Variants in OPCML observed in about 807,000 individuals in gnomAD.
OPCML encodes opioid binding protein/cell adhesion molecule like.
A neutral mutation model predicts 37.8 loss-of-function variants in OPCML; 13 were observed. The observed-to-expected ratio is 0.34, with a 90% CI of 0.22 to 0.55. The LOEUF (loss-of-function observed/expected upper bound fraction) is 0.55, where lower values mean the gene tolerates loss of function less well. Among genes scored for constraint, OPCML ranks in the 20% least tolerant of loss-of-function variants. The pLI is 0.91. For missense variants in OPCML, 341 were observed against 435.6 expected (o/e 0.78, Z 1.93); for synonymous variants, 176 against 168.8 (o/e 1.04, Z -0.33).
intron 2 of OPCML, among the ~76,000 whole-genome samples, chr11:132,918,510 G>T (rs911511802): frequency 1.3e-5 from 2 of 152,170 alleles, no homozygotes; most frequent in Non-Finnish European, 2.9e-5. Context: ...TTTACTGTCT[G>T]GGAAACATTC....
At chr11:133,191,624 G>C (rs553743196) in intron 1 of OPCML, among the ~76,000 whole-genome samples, 2 of 151,640 alleles carry the variant, frequency 1.3e-5, no homozygotes, top group South Asian at 4.2e-4. Context: ...CTCTTCAGTA[G>C]CTGGGATTAC....
intron 1 of OPCML, among the ~76,000 whole-genome samples, chr11:133,440,481 C>T (rs547806048): frequency 6.6e-6 from 1 of 150,784 alleles, no homozygotes; most frequent in African/African-American, 2.4e-5. Flanking sequence ...AATCCCAGCA[C>T]TTTGGGAGGC....
At chr11:132,839,920 T>C (rs1941217177) in intron 2 of OPCML, among the ~76,000 whole-genome samples, 3 of 152,208 alleles carry the variant, frequency 2.0e-5, no homozygotes, top group Admixed American at 2.0e-4. Flanking sequence ...TTCCGTCCCA[T>C]TAAGACTTCC....
At chr11:132,564,616 G>A (rs1055152849) in intron 3 of OPCML, among the ~76,000 whole-genome samples, 11 of 152,084 alleles carry the variant, frequency 7.2e-5, no homozygotes, top group Non-Finnish European at 4.4e-5. Context: ...GAGTGTGACA[G>A]GCGCTTAGAA....
At chr11:133,116,426 A>G (rs796068380) in intron 1 of OPCML, among the ~76,000 whole-genome samples, 1 of 152,210 alleles carries the variant, frequency 6.6e-6, no homozygotes, top group South Asian at 2.1e-4. Context: ...CCAGAATCAT[A>G]CACTGCAATT....
At chr11:133,416,296 C>A (rs1185366726) in intron 1 of OPCML, among the ~76,000 whole-genome samples, 3 of 152,166 alleles carry the variant, frequency 2.0e-5, no homozygotes, top group East Asian at 1.9e-4. Context: ...ATAATCCTCC[C>A]CAACCCCTCT....
intron 3 of OPCML, among the ~76,000 whole-genome samples, chr11:132,649,304 T>C (rs1341679737): frequency 1.3e-5 from 2 of 152,164 alleles, no homozygotes; most frequent in Non-Finnish European, 2.9e-5. Flanking sequence ...TGTTGTGAAC[T>C]GTGTTGTCAC....
chr11:132,858,734 T>C (rs770966322), intron 2 of OPCML, among the ~76,000 whole-genome samples: 7 of 152,220 alleles, frequency 4.6e-5, no homozygotes, highest in Non-Finnish European at 1.0e-4. Flanking sequence ...GAAATACATA[T>C]GCAAGTGTTT....
chr11:132,908,968 G>T (rs1944334316), intron 2 of OPCML, among the ~76,000 whole-genome samples: 1 of 152,172 alleles, frequency 6.6e-6, no homozygotes, highest in Non-Finnish European at 1.5e-5. Flanking sequence ...GGTTCCTCAA[G>T]CCCTGGCAAA....
At chr11:133,514,693 C>A (rs1010892056) in intron 1 of OPCML, among the ~76,000 whole-genome samples, 1 of 152,158 alleles carries the variant, frequency 6.6e-6, no homozygotes, top group Non-Finnish European at 1.5e-5. Flanking sequence ...CATAACTGTA[C>A]GTAGGTCTGC....
intron 2 of OPCML, among the ~76,000 whole-genome samples, chr11:132,842,148 G>A (rs2136305305): frequency 6.6e-6 from 1 of 152,236 alleles, no homozygotes; most frequent in Non-Finnish European, 1.5e-5. Flanking sequence ...TCCTTCAGAT[G>A]TAAATGTGTG....
At chr11:132,781,179 G>A (rs575088652) in intron 2 of OPCML, among the ~76,000 whole-genome samples, 5 of 152,096 alleles carry the variant, frequency 3.3e-5, no homozygotes, top group African/African-American at 7.2e-5. Flanking sequence ...TTGGTCAACC[G>A]TTATTCTGGG....
intron 4 of OPCML, among the ~76,000 whole-genome samples, chr11:132,464,989 CTTT>C (rs1157402079): frequency 1.3e-5 from 2 of 152,134 alleles, no homozygotes; most frequent in African/African-American, 4.8e-5. Context: ...ACATATCGAT[CTTT>C]TTTATTTACC....
chr11:133,508,358 G>C (rs780779899), intron 1 of OPCML, among the ~76,000 whole-genome samples: 37 of 152,204 alleles, frequency 2.4e-4, no homozygotes, highest in Non-Finnish European at 5.0e-4. Flanking sequence ...TGAGTGAAAA[G>C]ACTAAGGACA....
intron 1 of OPCML, among the ~76,000 whole-genome samples, chr11:133,246,827 C>T (rs1940942073): frequency 6.6e-6 from 1 of 152,070 alleles, no homozygotes; most frequent in Admixed American, 6.5e-5. Context: ...ATGATAGTAC[C>T]AGTGGGAATG....
chr11:133,138,184 T>C (rs1407750627), intron 1 of OPCML, among the ~76,000 whole-genome samples: 1 of 152,150 alleles, frequency 6.6e-6, no homozygotes, highest in African/African-American at 2.4e-5. Flanking sequence ...TTGGTCTCTT[T>C]GCACACACCC....
At chr11:132,894,704 C>A (rs1024106645) in intron 2 of OPCML, among the ~76,000 whole-genome samples, 1 of 152,204 alleles carries the variant, frequency 6.6e-6, no homozygotes, top group Non-Finnish European at 1.5e-5. Context: ...CAGAACAAAA[C>A]AGGCAAGGCA....
intron 1 of OPCML, among the ~76,000 whole-genome samples, chr11:132,960,244 G>A (rs1046752441): frequency 1.3e-5 from 2 of 152,138 alleles, no homozygotes; most frequent in African/African-American, 2.4e-5. Flanking sequence ...GAAAACTGAG[G>A]CCCAAGATAA....
chr11:132,440,189 G>T (rs1018568259), intron 4 of OPCML, among the ~76,000 whole-genome samples: 3 of 152,168 alleles, frequency 2.0e-5, no homozygotes, highest in Non-Finnish European at 4.4e-5. Flanking sequence ...TGCAACAGCA[G>T]AAATGGAAGG....
Sources: allele counts gnomAD v4.1 joint callset (sites outside exome capture counted in the v4.1 genomes callset), GRCh38; gene constraint gnomAD v4.1.1; transcripts MANE v1.5; gene names NCBI Gene and HGNC (gene_info 2026-07-23, HGNC 2026-07-21).